The following DCTN2 variants were observed in gnomAD, a reference collection of about 807,000 sequenced individuals.
DCTN2 encodes the protein dynactin subunit 2.
DCTN2 carries 18 observed loss-of-function variants against 55.4 expected under a neutral mutation model. That is an observed-to-expected ratio of 0.32 (90% CI 0.22 to 0.48). DCTN2 has a LOEUF of 0.48. DCTN2 is among the 20% of genes least tolerant of loss of function. The probability of loss-of-function intolerance (pLI) is 0.99; values close to 1 mark genes in which losing one functional copy is unlikely to be tolerated. For synonymous variants in DCTN2, 168 were observed against 185.2 expected (o/e 0.91, Z 0.76); for missense variants, 390 against 491.0 (o/e 0.79, Z 1.94).
At chr12:57,545,109 T>A (rs980997269) in intron 2 of DCTN2, among the ~76,000 whole-genome samples, 1 of 152,164 alleles carries the variant, frequency 6.6e-6, no homozygotes, top group Non-Finnish European at 1.5e-5. Flanking sequence ...GCCACAGGAC[T>A]TACAGACAAG....
At chr12:57,540,798 CA>C (rs1212419484) in intron 2 of DCTN2, among the ~76,000 whole-genome samples, 1 of 152,226 alleles carries the variant, frequency 6.6e-6, no homozygotes, top group Non-Finnish European at 1.5e-5. Context: ...GAAAGACTCA[CA>C]AAAGCACAAA....
chr12:57,538,468 C>T (rs777431856), intron 2 of DCTN2: 1 of 755,896 alleles, frequency 1.3e-6, no homozygotes, highest in Non-Finnish European at 2.4e-6. Flanking sequence ...GAAACAACTG[C>T]TCATCATAGC....
chr12:57,532,399 G>T, intron 11 of DCTN2, 84 bp from the exon 12 acceptor site: 1 of 1,384,718 alleles, frequency 7.2e-7, no homozygotes, highest in Non-Finnish European at 1.0e-6. Flanking sequence ...CGTAATGGGG[G>T]AAAGGATCAA....
chr12:57,542,661 T>C (rs906328521), intron 2 of DCTN2, among the ~76,000 whole-genome samples: 9 of 152,074 alleles, frequency 5.9e-5, no homozygotes, highest in Non-Finnish European at 8.8e-5. Context: ...CTACTAAAAA[T>C]ACAGAAAATT....
rs985060983 is a variant in DCTN2 at position 57,530,606 on chromosome 12, T to C, written c.*83A>G. On this transcript the variant is annotated 3_prime_UTR_variant, in exon 14 of 14. Coordinates refer to ENST00000548249, the MANE Select transcript of DCTN2 (RefSeq NM_001261413.2). ...AAATGGGATGGGGATGCTAGAGTTATAGTAAAGGGGAAACCCTATGTAAGC... is the reference window on the plus strand; with the variant it reads ...AAATGGGATGGGGATGCTAGAGTTACAGTAAAGGGGAAACCCTATGTAAGC... 18 of 1,220,068 alleles carry C rather than the reference T, an allele frequency of 1.5e-5. No homozygotes were observed. Among genetic ancestry groups the C allele is most frequent in the African/African-American group, 4.5e-5 (3 of 66,422 alleles). The allele number at this position is 1,220,068 out of a possible 1,614,324, so 75.6% of individuals were successfully genotyped here.
chr12:57,546,120 C>A lies in DCTN2; in HGVS notation c.37-24G>T, dbSNP rs746206506. On this transcript the variant is annotated intron_variant, in intron 1 of 13. Coordinates refer to ENST00000548249, the MANE Select transcript of DCTN2 (RefSeq NM_001261413.2). ...GCCTGCAGGTAGAAGCAGTGACCAC[C>A]CAACCTCACTACCCAGCATCCAACA... 3.1e-6 allele frequency: 5 copies of A among 1,611,626 alleles called. No homozygotes were observed. The South Asian group carries it at 5.5e-5, about 18-fold the overall frequency.
intron 2 of DCTN2, chr12:57,544,004 A>G (rs1880926503): frequency 2.3e-6 from 1 of 437,284 alleles, no homozygotes; most frequent in African/African-American, 2.0e-5. Context: ...AGTATCTTCA[A>G]AAGGGAATGA....
At chr12:57,544,972 G>A (rs1161686442) in intron 2 of DCTN2, among the ~76,000 whole-genome samples, 1 of 152,188 alleles carries the variant, frequency 6.6e-6, no homozygotes, top group Non-Finnish European at 1.5e-5. Context: ...GACAGAGAAG[G>A]TGTTTCCCAC....
At chr12:57,534,678 C>A (rs1335332610) in intron 5 of DCTN2, 5 of 504,862 alleles carry the variant, frequency 9.9e-6, no homozygotes, top group Non-Finnish European at 1.7e-5. Context: ...TTCTTTCTTT[C>A]ATTTTTTGAG....
At chr12:57,531,303 A>C (rs1879679791) in intron 13 of DCTN2, among the ~76,000 whole-genome samples, 1 of 151,950 alleles carries the variant, frequency 6.6e-6, no homozygotes, top group African/African-American at 2.4e-5. Context: ...GGGTGGGATC[A>C]CTTGAGGTCA....
intron 8 of DCTN2, 24 bp from the exon 9 acceptor site, chr12:57,533,046 G>C: frequency 1.9e-6 from 3 of 1,590,486 alleles, no homozygotes; most frequent in Non-Finnish European, 2.6e-6. Context: ...AAGGGAAGAA[G>C]TGAGTGGTCC....
At position 57,530,504 on chromosome 12, in the gene DCTN2, C is replaced by G. The variant is rs2140109877; in HGVS notation, c.*185G>C. 1.9e-6 allele frequency: 1 copy of G among 515,874 alleles called. No individual in the cohort carries two copies. The highest frequency in any genetic ancestry group is 3.1e-5 in the East Asian group (1 of 32,656). 32.0% of individuals were successfully genotyped at this position (515,874 alleles called of 1,614,324 possible). On this transcript the variant is annotated 3_prime_UTR_variant, in exon 14 of 14. Transcript: ENST00000548249. ...GAGACCACCTTCTGATGATAACCAA[C>G]CCCTAGCTACCACTCTGTATTCATC...
intron 13 of DCTN2, 96 bp from the exon 14 acceptor site, chr12:57,530,871 G>T: frequency 9.1e-7 from 1 of 1,101,070 alleles, no homozygotes; most frequent in Non-Finnish European, 1.4e-6. Flanking sequence ...GACAAGAAAT[G>T]GAAGCACAAT....
At chr12:57,537,159 A>G (rs975984226) in intron 2 of DCTN2, among the ~76,000 whole-genome samples, 1 of 150,480 alleles carries the variant, frequency 6.6e-6, no homozygotes, top group East Asian at 2.0e-4. Context: ...AACATAGGGA[A>G]ACCCCAACTC....
intron 5 of DCTN2, 139 bp from the exon 6 acceptor site, chr12:57,534,591 T>C (rs1468214477): frequency 9.4e-6 from 7 of 745,386 alleles, no homozygotes; most frequent in Non-Finnish European, 1.1e-5. Context: ...CACCTGTATG[T>C]AGCACTGCAT....
rs752533664 is a variant in DCTN2, at chr12:57,534,315, G to A, written c.501C>T (p.Thr167=). The A allele has an allele frequency of 8.1e-6, 13 of 1,601,280 alleles. No individual in the cohort carries two copies. The highest frequency in any genetic ancestry group is 4.5e-5 in the East Asian group (2 of 44,520). ...ACTTAGCCAGGGCGCCATCGGGGTC[G>A]GTAAGGTTGATTGCAGCATCTGGTC... is the stretch of plus-strand genomic sequence containing the variant. The part of the protein sequence containing the change: ...LLGPDAAINL[T]DPDGALAKRL... The change falls in exon 6 of 14, where the codon ACC becomes ACT. Residue 167 remains threonine (T), a synonymous_variant. Coordinates refer to ENST00000548249, the MANE Select transcript of DCTN2 (RefSeq NM_001261413.2).
chr12:57,534,127 G>A, intron 6 of DCTN2, 30 bp from the exon 7 acceptor site: 2 of 1,559,768 alleles, frequency 1.3e-6, no homozygotes, highest in East Asian at 4.5e-5. Context: ...ATAATATCAT[G>A]ACTGGAAGGA....
At chr12:57,537,091 G>A (rs570001951) in intron 2 of DCTN2, among the ~76,000 whole-genome samples, 4 of 150,512 alleles carry the variant, frequency 2.7e-5, no homozygotes, top group Admixed American at 6.6e-5. Flanking sequence ...CACCCGCCTC[G>A]GCCTCCCAAA....
chr12:57,536,000 C>A, intron 2 of DCTN2, 155 bp from the exon 3 acceptor site: 1 of 611,898 alleles, frequency 1.6e-6, no homozygotes, highest in Non-Finnish European at 2.9e-6. Flanking sequence ...CCAGGCTTAA[C>A]CTAGGAAACT....
Sources: allele counts gnomAD v4.1 joint callset (sites outside exome capture counted in the v4.1 genomes callset), GRCh38; gene constraint gnomAD v4.1.1; transcripts MANE v1.5; gene names NCBI Gene and HGNC (gene_info 2026-07-23, HGNC 2026-07-21).